Variants in PPP2R5B observed in about 807,000 individuals in gnomAD.
The protein encoded by PPP2R5B is protein phosphatase 2 regulatory subunit B'beta.
In PPP2R5B, 19 loss-of-function variants were observed where a neutral mutation model predicts 59.9. That is an observed-to-expected ratio of 0.32 (90% confidence interval 0.22 to 0.47). PPP2R5B has a LOEUF of 0.47. Among genes scored for constraint, PPP2R5B ranks in the 20% least tolerant of loss-of-function variants. The pLI, the probability that PPP2R5B is intolerant of heterozygous loss-of-function variation, is 1.00. For missense variants in PPP2R5B, 441 were observed against 640.2 expected, an observed-to-expected ratio of 0.69 and a Z score of 3.36; for synonymous variants, 286 against 260.5, an observed-to-expected ratio of 1.10 and a Z score of -0.94.
rs573341808 is a variant in PPP2R5B, at chr11:64,925,662, G to C, written c.-73G>C. 1,388 of 755,080 alleles carry C rather than the reference G, an allele frequency of 1.8e-3. 2 individuals carry two copies. The highest frequency in any genetic ancestry group is 2.6e-3 in the Non-Finnish European group (1,206 of 467,690). 46.8% of individuals were successfully genotyped at this position (755,080 alleles called of 1,614,324 possible). A position where few individuals can be genotyped will look rare whatever the true frequency, so the allele number is the denominator to read the frequency against. On this transcript the variant is annotated 5_prime_UTR_variant, in exon 2 of 14. Transcript: ENST00000164133. This position sits in a 1 kb window ranked among gnomAD's most constrained non-coding sequence, Gnocchi z 4.6. ...GGATGGGACCAAGTTAGTCTGTCCA[G>C]TCTCACCCAGCACCTCCCAGGCCCA...
At chr11:64,930,644 C>A in intron 8 of PPP2R5B, 55 bp downstream of exon 8, 2 of 1,481,068 alleles carry the variant, frequency 1.4e-6, no homozygotes, top group South Asian at 1.1e-5. Context: ...TCAGGGCAGC[C>A]AGTGGGTCCT....
upstream of PPP2R5B, among the ~76,000 whole-genome samples, chr11:64,921,608 T>C (rs1376370473): frequency 6.6e-6 from 1 of 152,098 alleles, no homozygotes; most frequent in African/African-American, 2.4e-5. Flanking sequence ...TTGGGTTTTA[T>C]CAGAGGGAAG....
At position 64,934,388 on chromosome 11, in the gene PPP2R5B, T is replaced by G. The variant is rs546571632; in HGVS notation, c.*544T>G. The G allele has an allele frequency of 2.0e-5, 6 of 306,616 alleles. No homozygotes were observed. Among genetic ancestry groups the G allele is most frequent in the African/African-American group, 1.3e-4 (6 of 46,236 alleles). 19.0% of individuals were successfully genotyped at this position (306,616 alleles called of 1,614,324 possible). A position where few individuals can be genotyped will look rare whatever the true frequency, so the allele number is the denominator to read the frequency against. ...GGCACAGGCAAGAAGAGATTCACAGTGTCCTGGGGTAAGGGGGGGTTCACA... is the reference window on the plus strand; with the variant it reads ...GGCACAGGCAAGAAGAGATTCACAGGGTCCTGGGGTAAGGGGGGGTTCACA... On this transcript the variant is annotated 3_prime_UTR_variant, in exon 14 of 14. Transcript: ENST00000164133.
rs774346245 is a variant in PPP2R5B, at chr11:64,925,826, T to C, written c.92T>C (p.Phe31Ser). ...PVPPPDKVDG[F>S]SRRSLRRARP... is the part of the protein sequence containing the mutation. ...CCCCCACCCGACAAGGTGGACGGCTTCTCCCGCCGTTCCCTCCGCAGAGCC... is the reference window on the plus strand; with the variant it reads ...CCCCCACCCGACAAGGTGGACGGCTCCTCCCGCCGTTCCCTCCGCAGAGCC... The change falls in exon 2 of 14, where the codon TTC becomes TCC. Residue 31 changes from phenylalanine to serine, a missense_variant. This residue lies in a region of PPP2R5B where 103 missense variants were observed against 87.9 expected (regional missense o/e 1.17). Coordinates refer to ENST00000164133, the MANE Select transcript of PPP2R5B (RefSeq NM_006244.4). The surrounding 1 kb of genome is among the most constrained non-coding windows in gnomAD (Gnocchi z 4.6). 3.6e-5 allele frequency: 58 copies of C among 1,607,348 alleles called. No individual in the cohort carries two copies.
chr11:64,929,682 C>T (rs1245232869), intron 6 of PPP2R5B, among the ~76,000 whole-genome samples: 2 of 152,104 alleles, frequency 1.3e-5, no homozygotes, highest in Middle Eastern at 3.2e-3. Context: ...GCCAAGATTG[C>T]GCCACTGCAC....
At chr11:64,926,998 C>T in intron 3 of PPP2R5B, 90 bp downstream of exon 3, 4 of 1,440,112 alleles carry the variant, frequency 2.8e-6, no homozygotes, top group Non-Finnish European at 3.8e-6. Flanking sequence ...TGGAGAATAA[C>T]CCTGTACTCA....
At chr11:64,928,041 C>T in intron 4 of PPP2R5B, 25 bp from the exon 5 acceptor site, 1 of 1,611,178 alleles carries the variant, frequency 6.2e-7, no homozygotes, top group East Asian at 2.2e-5. Context: ...CTGAACTCAC[C>T]TTTTTGTCTG....
At position 64,934,065 on chromosome 11, in the gene PPP2R5B, G is replaced by A. The variant is rs1260766743; in HGVS notation, c.*221G>A. 2.0e-6 allele frequency: 1 copy of A among 502,444 alleles called. No homozygotes were observed. The highest frequency in any genetic ancestry group is 3.3e-6 in the Non-Finnish European group (1 of 300,972). The allele number at this position is 502,444 out of a possible 1,614,324, so 31.1% of individuals were successfully genotyped here. A position where few individuals can be genotyped will look rare whatever the true frequency, so the allele number is the denominator to read the frequency against. The stretch of plus-strand genomic sequence containing the variant: ...CCCCTCGTGGCAGGACTTGACAAGG[G>A]CAAGCTTGACCAGGAAGCTGCCATC... On this transcript the variant is annotated 3_prime_UTR_variant, in exon 14 of 14. Transcript: ENST00000164133.
rs760529310 is a variant in PPP2R5B, at chr11:64,933,125, C to G, written c.1245-20C>G. On this transcript the variant is annotated intron_variant, in intron 12 of 13. Transcript: ENST00000164133. Reference sequence around the variant, plus strand: ...AACCAAAGCTGTTTCATCTCCTCATCCCTCCTTGACACTGCCAAGAACCAT... The same window carrying G: ...AACCAAAGCTGTTTCATCTCCTCATGCCTCCTTGACACTGCCAAGAACCAT... The G allele has an allele frequency of 5.7e-6, 9 of 1,585,332 alleles. No homozygotes were observed. In the African/African-American group the frequency reaches 1.1e-4, roughly 19 times the overall value.
intron 13 of PPP2R5B, 113 bp from the exon 14 acceptor site, chr11:64,933,584 G>A: frequency 1.5e-6 from 2 of 1,331,078 alleles, no homozygotes; most frequent in Non-Finnish European, 2.0e-6. Context: ...GAACAAAAAT[G>A]GTTCCATGCC....
upstream of PPP2R5B, among the ~76,000 whole-genome samples, chr11:64,922,168 C>T (rs1429005230): frequency 2.0e-5 from 3 of 149,828 alleles, no homozygotes; most frequent in Admixed American, 1.3e-4. Flanking sequence ...GCCAGGATCG[C>T]GCCACTGCAA....
chr11:64,930,144 G>T lies in PPP2R5B; in HGVS notation c.723-178G>T, dbSNP rs770665028. 2.0e-5 allele frequency among the ~76,000 whole-genome samples: 3 copies of T among 152,040 alleles called. 1 individual carries two copies. The highest frequency in any genetic ancestry group is 1.3e-4 in the Admixed American group (2 of 15,264). On this transcript the variant is annotated intron_variant, in intron 6 of 13. Coordinates refer to ENST00000164133, the MANE Select transcript of PPP2R5B (RefSeq NM_006244.4). ...TGGGCTGAGAAGGGCATTTCAGTGTGGGGGGGCGGGGATCTCAATGGGGCC... is the reference window on the plus strand; with the variant it reads ...TGGGCTGAGAAGGGCATTTCAGTGTTGGGGGGCGGGGATCTCAATGGGGCC...
Position 64,933,994 on chromosome 11 carries a change from G to T in PPP2R5B, c.*150G>T. On this transcript the variant is annotated 3_prime_UTR_variant, in exon 14 of 14. Transcript: ENST00000164133. ...CCTGCCCAGCCCAGCTTTCACTGGG[G>T]GGAGACGAGGAGAGGCAATGGTGGT... The T allele has an allele frequency of 1.0e-6, 1 of 982,618 alleles. No homozygotes were observed. The highest frequency in any genetic ancestry group is 1.4e-6 in the Non-Finnish European group (1 of 718,716). The allele number at this position is 982,618 out of a possible 1,614,324, so 60.9% of individuals were successfully genotyped here.
chr11:64,927,040 C>T, intron 3 of PPP2R5B, 132 bp downstream of exon 3: 2 of 1,063,808 alleles, frequency 1.9e-6, no homozygotes, highest in South Asian at 3.1e-5. Flanking sequence ...TCTTCCTTCC[C>T]CCCGACCTGC....
intron 2 of PPP2R5B, 83 bp from the exon 3 acceptor site, chr11:64,926,629 G>A (rs1469614335): frequency 2.7e-6 from 4 of 1,476,456 alleles, no homozygotes; most frequent in Admixed American, 3.7e-5. Flanking sequence ...GGCAGCCGTG[G>A]AGATTAGGAG....
chr11:64,933,339 T>C (rs1945249452), intron 13 of PPP2R5B, 93 bp downstream of exon 13: 1 of 1,075,988 alleles, frequency 9.3e-7, no homozygotes, highest in Admixed American at 1.9e-5. Flanking sequence ...TACCCCAAAC[T>C]CTGTCTGATC....
chr11:64,925,896 C>A lies in PPP2R5B; in HGVS notation c.162C>A (p.Ser54Arg). Residue 54 changes from serine (S) to arginine (R), a missense_variant, in exon 2 of 14, where the codon AGC (serine) becomes AGA (arginine). Ser to Arg is a moderately radical substitution (Grantham distance 110). Transcript: ENST00000164133. The surrounding 1 kb of genome is among the most constrained non-coding windows in gnomAD (Gnocchi z 4.6). Reference sequence around the variant, plus strand: ...GCTCCTCTCAGTTCCGCTATCAGAGCAACCAGCAAGAGCTCACACCGCTGC... The same window carrying A: ...GCTCCTCTCAGTTCCGCTATCAGAGAAACCAGCAAGAGCTCACACCGCTGC... ...SHSSSQFRYQ[S>R]NQQELTPLPL... is the part of the protein sequence containing the mutation. The A allele has an allele frequency of 6.2e-7, 1 of 1,612,078 alleles. No individual in the cohort carries two copies. Among genetic ancestry groups the A allele is most frequent in the Non-Finnish European group, 8.5e-7 (1 of 1,179,898 alleles).
At chr11:64,929,214 C>A (rs1346339928) in intron 6 of PPP2R5B, among the ~76,000 whole-genome samples, 5 of 152,132 alleles carry the variant, frequency 3.3e-5, no homozygotes, top group Non-Finnish European at 7.3e-5. Context: ...GGAGCTAAAT[C>A]ATTTGACCCT....
At position 64,932,101 on chromosome 11, in the gene PPP2R5B, G is replaced by A. The variant is rs560963939; in HGVS notation, c.1116+233G>A. On this transcript the variant is annotated intron_variant, in intron 11 of 13. Coordinates refer to ENST00000164133, the MANE Select transcript of PPP2R5B (RefSeq NM_006244.4). Reference sequence around the variant, plus strand: ...CTCTGATTCTGATTAAGCTTCCGCAGCTGTAAAATGGGCCAACAACCTCTT... The same window carrying A: ...CTCTGATTCTGATTAAGCTTCCGCAACTGTAAAATGGGCCAACAACCTCTT... 3.3e-5 allele frequency among the ~76,000 whole-genome samples: 5 copies of A among 152,346 alleles called. No homozygotes were observed. The South Asian group carries it at 1.0e-3, about 32-fold the overall frequency.
Sources: gnomAD v4.1 joint callset for allele counts (sites outside exome capture counted in the v4.1 genomes callset) on GRCh38, gnomAD v4.1.1 for gene constraint, gnomAD v4.1.1 regional missense constraint, Gnocchi (gnomAD v3.1) non-coding constraint, MANE v1.5 for transcripts, NCBI Gene and HGNC (gene_info 2026-07-23, HGNC 2026-07-21) for gene names.